The following AGRN variants were observed in gnomAD, a reference collection of about 807,000 sequenced individuals.
AGRN encodes the protein agrin proteoglycan.
In AGRN, 106 loss-of-function variants were observed where a neutral mutation model predicts 211.0. That is an observed-to-expected ratio of 0.50 (90% CI 0.43 to 0.59). The LOEUF (loss-of-function observed/expected upper bound fraction) is 0.59. AGRN is among the 20% of genes least tolerant of loss of function. AGRN has a pLI of 0.00. For missense variants in AGRN, 3,040 were observed against 2,982.6 expected (o/e 1.02, Z -0.45); for synonymous variants, 1,525 against 1,332.5 (o/e 1.14, Z -3.15).
chr1:1,043,143 C>T (rs985779948), intron 7 of AGRN, 96 bp from the exon 8 acceptor site: 10 of 1,340,220 alleles, frequency 7.5e-6, no homozygotes, highest in Non-Finnish European at 9.3e-6. Context: ...CTCCACCATC[C>T]CCTCCCTGGA....
At position 1,034,340 on chromosome 1, in the gene AGRN, C is replaced by T. The variant is rs1036687765; in HGVS notation, c.464-937C>T. 1.1e-5 allele frequency: 11 copies of T among 985,522 alleles called. No homozygotes were observed. The East Asian group carries it at 9.1e-4, about 81-fold the overall frequency. The allele number at this position is 985,522 out of a possible 1,614,324, so 61.0% of individuals were successfully genotyped here. ...GAGCCCACATTTGGGATTTCTACTC[C>T]GGGAGAATTCTGCCCTCCTCCCACG... On this transcript the variant is annotated intron_variant, in intron 2 of 35. Transcript: ENST00000379370.
Position 1,032,998 on chromosome 1 carries a change from G to A in AGRN, c.464-2279G>A, listed in dbSNP as rs940614548. Among the ~76,000 whole-genome samples the A allele has an allele frequency of 5.9e-5, 9 of 152,204 alleles. No individual in the cohort carries two copies. Among genetic ancestry groups the A allele is most frequent in the Non-Finnish European group, 8.8e-5 (6 of 67,964 alleles). On this transcript the variant is annotated intron_variant, in intron 2 of 35. Coordinates refer to ENST00000379370, the MANE Select transcript of AGRN (RefSeq NM_198576.4). The surrounding 1 kb of genome is among the most constrained non-coding windows in gnomAD (Gnocchi z 4.7). ...AGAGGGGCGACCTACGGGGGCGGGT[G>A]TGGGGACGCCGGACTACGCGTCAGG...
rs1644705633 is a variant in AGRN, at chr1:1,032,987, C to G, written c.464-2290C>G. ...AGCGGCCAGGGAGAGGGGCGACCTACGGGGGCGGGTGTGGGGACGCCGGAC... is the reference window on the plus strand; with the variant it reads ...AGCGGCCAGGGAGAGGGGCGACCTAGGGGGGCGGGTGTGGGGACGCCGGAC... On this transcript the variant is annotated intron_variant, in intron 2 of 35. Coordinates refer to ENST00000379370, the MANE Select transcript of AGRN (RefSeq NM_198576.4). This position sits in a 1 kb window ranked among gnomAD's most constrained non-coding sequence, Gnocchi z 4.7. Among the ~76,000 whole-genome samples, 1 of 152,006 alleles carries G rather than the reference C, an allele frequency of 6.6e-6. No homozygotes were observed. The highest frequency in any genetic ancestry group is 2.4e-5 in the African/African-American group (1 of 41,398).
At chr1:1,042,524 G>A (rs897354160) in intron 7 of AGRN, among the ~76,000 whole-genome samples, 8 of 152,182 alleles carry the variant, frequency 5.3e-5, no homozygotes, top group Middle Eastern at 3.2e-3. Context: ...GCCGTCGGCC[G>A]TTTTGGAGGC....
rs1466624505 is a variant in AGRN at position 1,054,861 on chromosome 1, C to G, written c.6018C>G (p.Pro2006=). 1 of 1,558,806 alleles carries G rather than the reference C, an allele frequency of 6.4e-7. No homozygotes were observed. Among genetic ancestry groups the G allele is most frequent in the Non-Finnish European group, 8.7e-7 (1 of 1,152,990 alleles). The stretch of plus-strand genomic sequence containing the variant: ...AGCTGCCCGTGGGCCCAGCACTGCC[C>G]AAGGCCTACGGCACAGGCTTTGTGG... ...LPELPVGPAL[P]KAYGTGFVGC... The change falls in exon 36 of 36, where the codon CCC becomes CCG. Residue 2006 remains proline, a synonymous_variant. Coordinates refer to ENST00000379370, the MANE Select transcript of AGRN (RefSeq NM_198576.4).
At chr1:1,033,855 C>T (rs1214889322) in intron 2 of AGRN, among the ~76,000 whole-genome samples, 1 of 150,570 alleles carries the variant, frequency 6.6e-6, no homozygotes, top group East Asian at 2.0e-4. Context: ...GCCCCGCCTG[C>T]CCGGCGTTCC....
At chr1:1,021,601 C>T (rs1238971995) in intron 1 of AGRN, among the ~76,000 whole-genome samples, 1 of 152,246 alleles carries the variant, frequency 6.6e-6, no homozygotes, top group Non-Finnish European at 1.5e-5. Context: ...TCGGCTGTAG[C>T]CTTTACCACA....
intron 22 of AGRN, 57 bp downstream of exon 22, chr1:1,047,952 G>A: frequency 1.9e-6 from 3 of 1,581,302 alleles, no homozygotes; most frequent in Admixed American, 1.8e-5. Flanking sequence ...CCATGCCCCT[G>A]CCCCTCACCC....
intron 2 of AGRN, among the ~76,000 whole-genome samples, chr1:1,025,267 G>C (rs1035679234): frequency 3.3e-5 from 5 of 152,136 alleles, no homozygotes; most frequent in Non-Finnish European, 5.9e-5. Context: ...CCGGGGTCCC[G>C]GCGGCCTAGT....
At position 1,055,436 on chromosome 1, in the gene AGRN, G is replaced by A. The variant is rs183693482; in HGVS notation, c.*455G>A. ...CTGTGTGTGCTCTGGGCCCTGCCTCGGCCTCCTGCGCCAATACTGTGACTT... is the reference window on the plus strand; with the variant it reads ...CTGTGTGTGCTCTGGGCCCTGCCTCAGCCTCCTGCGCCAATACTGTGACTT... On this transcript the variant is annotated 3_prime_UTR_variant, in exon 36 of 36. Transcript: ENST00000379370. 125 of 298,862 alleles carry A rather than the reference G, an allele frequency of 4.2e-4. 1 individual carries two copies. The East Asian group carries it at 9.5e-3, about 23-fold the overall frequency. The allele number at this position is 298,862 out of a possible 1,614,324, so 18.5% of individuals were successfully genotyped here. A position where few individuals can be genotyped will look rare whatever the true frequency, so the allele number is the denominator to read the frequency against.
In AGRN at chr1:1,056,071, T is replaced by C. The variant is rs1010902512; in HGVS notation, c.*1090T>C. ...GGGTGCCGTGTTACTAACTCTAGTA[T>C]GTTTCTGTGTCAATCGCTGTGAAAT... is the stretch of plus-strand genomic sequence containing the variant. On this transcript the variant is annotated 3_prime_UTR_variant, in exon 36 of 36. Transcript: ENST00000379370. 1 of 152,344 alleles carries C rather than the reference T, an allele frequency of 6.6e-6. No individual in the cohort carries two copies. The highest frequency in any genetic ancestry group is 1.5e-5 in the Non-Finnish European group (1 of 68,110). The allele number at this position is 152,344 out of a possible 1,614,324, so 9.4% of individuals were successfully genotyped here.
rs779162517 is a variant in AGRN at position 1,050,223 on chromosome 1, C to T, written c.4880-10C>T. On this transcript the variant is annotated splice_polypyrimidine_tract_variant and intron_variant, in intron 27 of 35. Transcript: ENST00000379370. Reference sequence around the variant, plus strand: ...GGTCAGGACTGAGGCCTTGGTGACTCTCCCTACAGCCTCGGGGCAGGACGG... The same window carrying T: ...GGTCAGGACTGAGGCCTTGGTGACTTTCCCTACAGCCTCGGGGCAGGACGG... The T allele has an allele frequency of 6.2e-7, 1 of 1,612,984 alleles. No homozygotes were observed. Among genetic ancestry groups the T allele is most frequent in the Non-Finnish European group, 8.5e-7 (1 of 1,179,874 alleles).
rs1228585634 is a variant in AGRN, at chr1:1,031,649, C to A, written c.464-3628C>A. ...CCACGTGACTTTCAGCTTGTTGGGC[C>A]CCCTTTGCTGGCAGATCCCAGGGTC... On this transcript the variant is annotated intron_variant, in intron 2 of 35. Coordinates refer to ENST00000379370, the MANE Select transcript of AGRN (RefSeq NM_198576.4). The surrounding 1 kb of genome is among the most constrained non-coding windows in gnomAD (Gnocchi z 4.8). Among the ~76,000 whole-genome samples the A allele has an allele frequency of 6.6e-6, 1 of 152,150 alleles. No homozygotes were observed. The highest frequency in any genetic ancestry group is 1.9e-4 in the East Asian group (1 of 5,192).
intron 2 of AGRN, chr1:1,034,833 G>A (rs1388317396): frequency 5.3e-6 from 3 of 564,244 alleles, no homozygotes; most frequent in Non-Finnish European, 4.8e-6. Flanking sequence ...GGGTCACTCT[G>A]CGGACCCCTC....
chr1:1,040,665 C>G lies in AGRN; in HGVS notation c.512C>G (p.Ala171Gly), dbSNP rs1570189671. The change falls in exon 4 of 36, where the codon GCG (alanine) becomes GGG (glycine). Residue 171 changes from alanine to glycine, a missense_variant and splice_region_variant. By Grantham distance (60) the Ala-to-Gly change is moderately conservative (BLOSUM62 0). Around this residue, in one of 3 missense-constraint regions of AGRN, gnomAD observed 1,498 missense variants for 1,457.8 expected, o/e 1.03. Transcript: ENST00000379370. ...GAGCTTTCTCCCCTACCCGCCCCAG[C>G]GTGCCGGGGAATGCTGTGCGGCTTC... The part of the protein sequence containing the change: ...FTPVPPTPPD[A>G]CRGMLCGFGA... The G allele has an allele frequency of 6.5e-7, 1 of 1,547,264 alleles. No individual in the cohort carries two copies. Among genetic ancestry groups the G allele is most frequent in the African/African-American group, 1.4e-5 (1 of 72,908 alleles).
In AGRN at chr1:1,050,676, C is replaced by T. The variant is rs28545735; in HGVS notation, c.5142-50C>T. 2,160 of 1,602,618 alleles carry T rather than the reference C, an allele frequency of 1.3e-3. 19 individuals carry two copies. The African/African-American group carries it at 0.019, about 14-fold the overall frequency. On this transcript the variant is annotated intron_variant, in intron 29 of 35. Coordinates refer to ENST00000379370, the MANE Select transcript of AGRN (RefSeq NM_198576.4). ...GCAGGTCGCTCAGGCCCTGGGTGGTCGCGTGGCCGGTGGTGGACAGAGCCC... is the reference window on the plus strand; with the variant it reads ...GCAGGTCGCTCAGGCCCTGGGTGGTTGCGTGGCCGGTGGTGGACAGAGCCC...
intron 3 of AGRN, among the ~76,000 whole-genome samples, chr1:1,036,653 G>A (rs1644811204): frequency 6.6e-6 from 1 of 152,072 alleles, no homozygotes; most frequent in African/African-American, 2.4e-5. Flanking sequence ...TCCTACCCCT[G>A]GGCTCTAGCC....
chr1:1,035,956 G>T (rs1644795371), intron 3 of AGRN, among the ~76,000 whole-genome samples: 1 of 152,168 alleles, frequency 6.6e-6, no homozygotes, highest in African/African-American at 2.4e-5. Flanking sequence ...GTGGTGTGAG[G>T]GTGTGAGGGG....
intron 11 of AGRN, 22 bp downstream of exon 11, chr1:1,044,279 CTCGGCGG>C (rs1645030021): frequency 1.2e-6 from 2 of 1,612,570 alleles, no homozygotes; most frequent in Non-Finnish European, 1.7e-6. Flanking sequence ...ACCCCTGGCT[CTCGGCGG>C]GCGGCGGGGA....
Sources: allele counts gnomAD v4.1 joint callset (sites outside exome capture counted in the v4.1 genomes callset), GRCh38; gene constraint gnomAD v4.1.1; regional missense constraint gnomAD v4.1.1; non-coding constraint Gnocchi (gnomAD v3.1); transcripts MANE v1.5; gene names NCBI Gene and HGNC (gene_info 2026-07-23, HGNC 2026-07-21).